CCDC30: variants seen among roughly 807,000 people sequenced by gnomAD.
CCDC30 encodes the protein coiled-coil domain-containing protein 30.
Under a neutral mutation model 100.2 loss-of-function variants are expected in CCDC30, and 70 were observed. The observed-to-expected ratio is 0.70, with a 90% CI of 0.58 to 0.85. CCDC30 has a LOEUF of 0.85. Among genes scored for constraint, CCDC30 ranks in the 40% least tolerant of loss-of-function variants. CCDC30 has a pLI of 0.00. For synonymous variants in CCDC30, 233 were observed against 269.5 expected (o/e 0.86, Z 1.33); for missense variants, 652 against 771.2 (o/e 0.85, Z 1.83).
At chr1:42,574,310 C>CT (rs1256003762) in intron 7 of CCDC30, among the ~76,000 whole-genome samples, 3 of 151,346 alleles carry the variant, frequency 2.0e-5, no homozygotes, top group Admixed American at 1.3e-4. Flanking sequence ...TCAAGTTCTT[C>CT]TTTTTTTTGC....
At chr1:42,532,976 A>G (rs1438538501) in intron 6 of CCDC30, among the ~76,000 whole-genome samples, 1 of 152,016 alleles carries the variant, frequency 6.6e-6, no homozygotes, top group Non-Finnish European at 1.5e-5. Flanking sequence ...TCACTGTGGT[A>G]TCGATCTCCT....
At chr1:42,532,621 A>G (rs577288247) in intron 6 of CCDC30, among the ~76,000 whole-genome samples, 1 of 152,378 alleles carries the variant, frequency 6.6e-6, no homozygotes, top group African/African-American at 2.4e-5. Flanking sequence ...AGCGTTAGAA[A>G]TAGACCTTGG....
intron 11 of CCDC30, among the ~76,000 whole-genome samples, chr1:42,626,836 C>T (rs1167856389): frequency 6.6e-6 from 1 of 152,162 alleles, no homozygotes; most frequent in Non-Finnish European, 1.5e-5. Flanking sequence ...GCCTCCCCAG[C>T]CATGTGGAGC....
At chr1:42,612,797 G>A (rs1225382803) in intron 11 of CCDC30, among the ~76,000 whole-genome samples, 7 of 152,028 alleles carry the variant, frequency 4.6e-5, no homozygotes, top group African/African-American at 1.4e-4. Flanking sequence ...AGGCACTTTA[G>A]CAAAACAGTT....
intron 6 of CCDC30, among the ~76,000 whole-genome samples, chr1:42,543,773 A>G (rs1645065087): frequency 6.6e-6 from 1 of 152,234 alleles, no homozygotes; most frequent in Non-Finnish European, 1.5e-5. Flanking sequence ...TAGAAAGGTT[A>G]TAGTCCATAT....
chr1:42,510,836 A>G (rs1289136005), intron 6 of CCDC30, among the ~76,000 whole-genome samples: 1 of 151,620 alleles, frequency 6.6e-6, no homozygotes, highest in African/African-American at 2.4e-5. Flanking sequence ...TGGGGGAATC[A>G]TTCTCTGTAG....
At chr1:42,563,097 T>A (rs1407103625) in intron 6 of CCDC30, among the ~76,000 whole-genome samples, 3 of 152,178 alleles carry the variant, frequency 2.0e-5, no homozygotes, top group Non-Finnish European at 4.4e-5. Context: ...AGCAATCCCA[T>A]TACTGGGTAT....
chr1:42,457,950 C>G, the CCDC30 span, among the ~76,000 whole-genome samples: 6 of 129,614 alleles, frequency 4.6e-5, no homozygotes, highest in African/African-American at 1.4e-4. Context: ...AGCGATACTC[C>G]GTCGCAAAAA....
In CCDC30 at chr1:42,561,475, T is replaced by A. The variant is rs533630319; in HGVS notation, c.457-4821T>A. Among the ~76,000 whole-genome samples the A allele has an allele frequency of 8.5e-5, 13 of 152,252 alleles. 1 individual carries two copies. The highest frequency in any genetic ancestry group is 8.5e-4 in the Admixed American group (13 of 15,282). ...ATATCTCAAAATAATAAAGAACTAT[T>A]TATGACAAACTCATAGCCAATATCA... On this transcript the variant is annotated intron_variant, in intron 6 of 16. Transcript: ENST00000668663.
Position 42,498,810 on chromosome 1 carries a change from T to C in CCDC30, c.358-8T>C, listed in dbSNP as rs756196911. The C allele has an allele frequency of 9.0e-6, 11 of 1,220,406 alleles. No individual in the cohort carries two copies. The highest frequency in any genetic ancestry group is 1.1e-5 in the Non-Finnish European group (11 of 975,594). The allele number at this position is 1,220,406 out of a possible 1,614,324, so 75.6% of individuals were successfully genotyped here. A position where few individuals can be genotyped will look rare whatever the true frequency, so the allele number is the denominator to read the frequency against. On this transcript the variant is annotated splice_polypyrimidine_tract_variant and splice_region_variant and intron_variant, in intron 5 of 16. Transcript: ENST00000668663. ...GAAGTCTACAAGGTGTTTACTTTTG[T>C]ATTTAAGGTTGAAAGACTTAAAGGA... is the stretch of plus-strand genomic sequence containing the variant.
intron 8 of CCDC30, among the ~76,000 whole-genome samples, chr1:42,579,938 C>A (rs1422167131): frequency 1.4e-5 from 2 of 140,914 alleles, no homozygotes; most frequent in African/African-American, 2.6e-5. Flanking sequence ...CAGCACATCT[C>A]AAAAAAAAAA....
intron 10 of CCDC30, among the ~76,000 whole-genome samples, chr1:42,601,516 A>G (rs541051475): frequency 8.5e-5 from 13 of 152,182 alleles, no homozygotes; most frequent in Non-Finnish European, 1.9e-4. Context: ...ACCTTCCCAC[A>G]TAGCCAGGGC....
At chr1:42,622,759 C>T (rs1038207683) in intron 11 of CCDC30, among the ~76,000 whole-genome samples, 2 of 152,186 alleles carry the variant, frequency 1.3e-5, no homozygotes, top group Non-Finnish European at 2.9e-5. Context: ...CAGGCATGGG[C>T]CACTACGATG....
In CCDC30 at chr1:42,643,363, G is replaced by A. The variant is rs1410996285; in HGVS notation, c.1556+754G>A. Among the ~76,000 whole-genome samples the A allele has an allele frequency of 3.9e-5, 6 of 152,216 alleles. No individual in the cohort carries two copies. The South Asian group carries it at 8.3e-4, about 21-fold the overall frequency. ...CTTGGCCCTAGACCATAGCACCATA[G>A]TCTGGGGAGAGGACTGCCAAGCAGA... is the stretch of plus-strand genomic sequence containing the variant. On this transcript the variant is annotated intron_variant, in intron 13 of 16. Transcript: ENST00000668663.
At position 42,562,662 on chromosome 1, in the gene CCDC30, G is replaced by A. The variant is rs573949054; in HGVS notation, c.457-3634G>A. The stretch of plus-strand genomic sequence containing the variant: ...CAGCAAAAGAAACTATCATTAGAGT[G>A]AACAGGCAACCTAGAGAATGGGGGA... On this transcript the variant is annotated intron_variant, in intron 6 of 16. Transcript: ENST00000668663. Among the ~76,000 whole-genome samples the A allele has an allele frequency of 1.1e-3, 163 of 152,250 alleles. 3 individuals are homozygous for A. The highest frequency in any genetic ancestry group is 6.4e-3 in the South Asian group (31 of 4,828).
intron 7 of CCDC30, among the ~76,000 whole-genome samples, chr1:42,576,790 G>A (rs182501185): frequency 6.6e-6 from 1 of 152,250 alleles, no homozygotes; most frequent in East Asian, 1.9e-4. Context: ...AAGAAAGGAT[G>A]GAAAATGTTT....
At chr1:42,456,770 T>C in the CCDC30 span, 1 of 1,612,554 alleles carries the variant, frequency 6.2e-7, no homozygotes, top group Admixed American at 1.7e-5. Context: ...CGGTGCAACC[T>C]CGGCCGAGGC....
At chr1:42,508,590 A>G (rs193157451) in intron 6 of CCDC30, among the ~76,000 whole-genome samples, 1 of 152,340 alleles carries the variant, frequency 6.6e-6, no homozygotes, top group East Asian at 1.9e-4. Flanking sequence ...GAAACAGAAC[A>G]GCACCTTTGA....
At chr1:42,584,491 G>T (rs1406171096) in intron 9 of CCDC30, among the ~76,000 whole-genome samples, 3 of 152,068 alleles carry the variant, frequency 2.0e-5, no homozygotes, top group African/African-American at 7.2e-5. Flanking sequence ...TACTTGGGAG[G>T]CTGAGGCAAG....
Sources: allele counts gnomAD v4.1 joint callset (sites outside exome capture counted in the v4.1 genomes callset), GRCh38; gene constraint gnomAD v4.1.1; transcripts MANE v1.5; gene names NCBI Gene and HGNC (gene_info 2026-07-23, HGNC 2026-07-21).